Variants in GSDME observed in about 807,000 individuals in gnomAD.
GSDME encodes the protein gasdermin-E.
In GSDME, 44 loss-of-function variants were observed where a neutral mutation model predicts 47.5. The observed-to-expected ratio is 0.93, with a 90% CI of 0.73 to 1.19. The LOEUF (loss-of-function observed/expected upper bound fraction) is 1.19, where lower values mean the gene tolerates loss of function less well. Among genes scored for constraint, GSDME ranks in the 50% most tolerant of loss-of-function variants. The pLI is 0.00. For synonymous variants in GSDME, 258 were observed against 252.8 expected, an observed-to-expected ratio of 1.02 and a Z score of -0.20; for missense variants, 663 against 604.2, an observed-to-expected ratio of 1.10 and a Z score of -1.02.
At chr7:24,794,652 G>A in the GSDME span, among the ~76,000 whole-genome samples, 1 of 152,104 alleles carries the variant, frequency 6.6e-6, no homozygotes. Flanking sequence ...CTCACACAGA[G>A]CCTTAAACTT....
At chr7:24,707,795 G>C (rs977285428) in intron 7 of GSDME, 28 of 511,866 alleles carry the variant, frequency 5.5e-5, no homozygotes, top group Non-Finnish European at 7.9e-5. Flanking sequence ...AGGAGACAAG[G>C]CAGCAGAATT....
In GSDME at chr7:24,710,345, C is replaced by T. The variant is rs753770844; in HGVS notation, c.741G>A (p.Lys247=). The change falls in exon 6 of 10, where the codon AAG becomes AAA. Residue 247 remains lysine, a synonymous_variant. Coordinates refer to ENST00000645220, the MANE Select transcript of GSDME (RefSeq NM_001127453.2). ...CCAGGTAGACAGAGTCAATTCTCTTCTTGTTCTCGAAGCCACCTTGCTTCC... is the reference window on the plus strand; with the variant it reads ...CCAGGTAGACAGAGTCAATTCTCTTTTTGTTCTCGAAGCCACCTTGCTTCC... ...LRGKQGGFEN[K]KRIDSVYLDP... is the part of the protein sequence containing the mutation. 1.9e-6 allele frequency: 3 copies of T among 1,614,246 alleles called. 1 individual carries two copies. The South Asian group carries it at 3.3e-5, about 18-fold the overall frequency.
At chr7:24,699,953 G>A (rs1411994176) in intron 9 of GSDME, among the ~76,000 whole-genome samples, 1 of 152,102 alleles carries the variant, frequency 6.6e-6, no homozygotes, top group Non-Finnish European at 1.5e-5. Flanking sequence ...TATCCTTCCT[G>A]CCTCAAGAAC....
rs1285681538 is a variant in GSDME, at chr7:24,735,192, A to T, written c.404+9370T>A. ...ACGTTTACACTAGAATAGTATATTC[A>T]GCAAAACTATCCTTCAAACATGAAG... On this transcript the variant is annotated intron_variant, in intron 3 of 9. Transcript: ENST00000645220. The surrounding 1 kb of genome is among the most constrained non-coding windows in gnomAD (Gnocchi z 4.4). 6.6e-6 allele frequency among the ~76,000 whole-genome samples: 1 copy of T among 152,204 alleles called. No individual in the cohort carries two copies. The highest frequency in any genetic ancestry group is 1.5e-5 in the Non-Finnish European group (1 of 68,038).
intron 5 of GSDME, chr7:24,715,546 C>T (rs984027430): frequency 4.3e-6 from 2 of 468,488 alleles, no homozygotes; most frequent in African/African-American, 2.0e-5. Flanking sequence ...TAAGACTGGA[C>T]AGGACCACCA....
rs138824937 is a variant in GSDME, at chr7:24,716,244, C to G, written c.697+1010G>C. On this transcript the variant is annotated intron_variant, in intron 5 of 9. Coordinates refer to ENST00000645220, the MANE Select transcript of GSDME (RefSeq NM_001127453.2). This position sits in a 1 kb window ranked among gnomAD's most constrained non-coding sequence, Gnocchi z 4.5. ...GGAGCGTGAACCAGCGTGTGCCCAT[C>G]AGCCAGCTTCAGCCACTGTCCCCTC... is the stretch of plus-strand genomic sequence containing the variant. 0.01 allele frequency among the ~76,000 whole-genome samples: 1,577 copies of G among 152,270 alleles called. 17 individuals are homozygous for G. The highest frequency in any genetic ancestry group is 0.018 in the Non-Finnish European group (1,217 of 68,020).
the GSDME span, among the ~76,000 whole-genome samples, chr7:24,772,388 T>C: frequency 6.6e-6 from 1 of 152,358 alleles, no homozygotes; most frequent in Non-Finnish European, 1.5e-5. The surrounding 1 kb of genome is among the most constrained non-coding windows in gnomAD (Gnocchi z 4.5). Flanking sequence ...ATTTTCTTAA[T>C]TGTAATTAAT....
At chr7:24,783,602 T>A in the GSDME span, among the ~76,000 whole-genome samples, 4 of 152,250 alleles carry the variant, frequency 2.6e-5, no homozygotes, top group Admixed American at 2.0e-4. Context: ...AGATTAATGA[T>A]ATGACCTGAT....
chr7:24,751,819 G>A (rs546330225), intron 1 of GSDME, among the ~76,000 whole-genome samples: 1 of 152,280 alleles, frequency 6.6e-6, no homozygotes, highest in South Asian at 2.1e-4. Flanking sequence ...CTACTGTGTT[G>A]AAGCACTTAG....
chr7:24,769,729 G>A, the GSDME span, among the ~76,000 whole-genome samples: 2 of 152,044 alleles, frequency 1.3e-5, no homozygotes, highest in African/African-American at 4.8e-5. Flanking sequence ...AAAATTGCGA[G>A]GCATGCTGAA....
intron 3 of GSDME, among the ~76,000 whole-genome samples, chr7:24,741,261 A>G (rs1268144655): frequency 1.3e-5 from 2 of 152,220 alleles, no homozygotes; most frequent in African/African-American, 4.8e-5. Flanking sequence ...TGACCACGGA[A>G]GACAAGGCAG....
At chr7:24,762,973 C>T in the GSDME span, among the ~76,000 whole-genome samples, 5 of 152,192 alleles carry the variant, frequency 3.3e-5, no homozygotes, top group East Asian at 1.9e-4. Context: ...GGAAAGAACC[C>T]GGAGACTCCC....
rs886062226 is a variant in GSDME, at chr7:24,710,314, G to A, written c.772C>T (p.Leu258=). The change falls in exon 6 of 10, where the codon CTG becomes TTG. Residue 258 remains leucine, a synonymous_variant. Coordinates refer to ENST00000645220, the MANE Select transcript of GSDME (RefSeq NM_001127453.2). ...ATGAATGCAAACTCTCGAAAGACCA[G>A]GGGGTCCAGGTAGACAGAGTCAATT... ...KRIDSVYLDP[L]VFREFAFIDM... is the part of the protein sequence containing the mutation. 6.2e-7 allele frequency: 1 copy of A among 1,614,232 alleles called. No homozygotes were observed. The highest frequency in any genetic ancestry group is 8.5e-7 in the Non-Finnish European group (1 of 1,180,030).
At chr7:24,782,258 T>G in the GSDME span, among the ~76,000 whole-genome samples, 4 of 129,216 alleles carry the variant, frequency 3.1e-5, no homozygotes, top group Non-Finnish European at 6.2e-5. Context: ...GATGTTCCCC[T>G]TCCTATGTCC....
intron 5 of GSDME, chr7:24,715,515 A>G (rs1249737129): frequency 2.1e-6 from 1 of 470,922 alleles, no homozygotes; most frequent in South Asian, 1.5e-5. Flanking sequence ...GGGGAGTGAC[A>G]CATTCACCAC....
At chr7:24,781,569 T>C in the GSDME span, among the ~76,000 whole-genome samples, 1 of 152,230 alleles carries the variant, frequency 6.6e-6, no homozygotes, top group Admixed American at 6.5e-5. Context: ...TCTCAAACTA[T>C]TTGATCTTAA....
At chr7:24,787,041 G>A in the GSDME span, among the ~76,000 whole-genome samples, 2 of 152,070 alleles carry the variant, frequency 1.3e-5, no homozygotes, top group African/African-American at 4.8e-5. The surrounding 1 kb of genome is among the most constrained non-coding windows in gnomAD (Gnocchi z 5.0). Flanking sequence ...TGATTTCCTT[G>A]GCCTCCTCTG....
the GSDME span, among the ~76,000 whole-genome samples, chr7:24,777,374 G>C: frequency 2.0e-5 from 3 of 152,222 alleles, no homozygotes; most frequent in African/African-American, 7.2e-5. Flanking sequence ...TGGAATGCAA[G>C]AAGAGGTGTA....
At chr7:24,751,731 T>C (rs1442999252) in intron 1 of GSDME, among the ~76,000 whole-genome samples, 10 of 152,262 alleles carry the variant, frequency 6.6e-5, no homozygotes, top group Non-Finnish European at 4.4e-5. Flanking sequence ...GAATCTTGCA[T>C]TCAATGGAAT....
Sources: gnomAD v4.1 joint callset for allele counts (sites outside exome capture counted in the v4.1 genomes callset) on GRCh38, gnomAD v4.1.1 for gene constraint, Gnocchi (gnomAD v3.1) non-coding constraint, MANE v1.5 for transcripts, NCBI Gene and HGNC (gene_info 2026-07-23, HGNC 2026-07-21) for gene names.